SAMD13: variants seen among roughly 807,000 people sequenced by gnomAD.
The protein encoded by SAMD13 is sterile alpha motif domain-containing protein 13.
Under a neutral mutation model 12.4 loss-of-function variants are expected in SAMD13, and 9 were observed. That is an observed-to-expected ratio of 0.72 (90% CI 0.44 to 1.26). SAMD13 has a LOEUF of 1.26. Ranked by LOEUF, SAMD13 falls within the 50% of genes most tolerant of loss-of-function variation. The pLI is 0.00. For missense variants in SAMD13, 84 were observed against 119.6 expected, an observed-to-expected ratio of 0.70 and a Z score of 1.39; for synonymous variants, 46 against 45.4, an observed-to-expected ratio of 1.01 and a Z score of -0.05.
At chr1:84,332,801 C>T (rs763667408) in intron 3 of SAMD13, among the ~76,000 whole-genome samples, 7 of 152,102 alleles carry the variant, frequency 4.6e-5, no homozygotes, top group African/African-American at 1.4e-4. Flanking sequence ...GAAATCTTTG[C>T]CAGGGCGTAT....
In SAMD13 at chr1:84,350,085, CT is replaced by C. The variant is rs1042650678; in HGVS notation, c.*314del. 2.2e-5 allele frequency: 5 copies of C among 224,114 alleles called. No individual in the cohort carries two copies. The highest frequency in any genetic ancestry group is 1.1e-4 in the African/African-American group (5 of 43,732). 13.9% of individuals were successfully genotyped at this position (224,114 alleles called of 1,614,324 possible). The stretch of plus-strand genomic sequence containing the variant: ...AAGGATTTTCCTCATCTCTTTATAG[CT>C]TTCCCAAAATCTTTTAAAAAAGAAT... On this transcript the variant is annotated 3_prime_UTR_variant, in exon 4 of 4. Transcript: ENST00000394834.
chr1:84,320,509 G>A lies in SAMD13; in HGVS notation c.54-5128G>A, dbSNP rs552961645. ...TAGCCAGATCCCTGCTTGTTAGCAT[G>A]AAGGGAGAGGGAGAAAGGAACGGAA... On this transcript the variant is annotated intron_variant, in intron 2 of 3. Transcript: ENST00000394834. Among the ~76,000 whole-genome samples, 19 of 152,298 alleles carry A rather than the reference G, an allele frequency of 1.2e-4. No individual in the cohort carries two copies. In the South Asian group the frequency reaches 3.9e-3, roughly 32 times the overall value.
intron 3 of SAMD13, among the ~76,000 whole-genome samples, chr1:84,348,857 G>C (rs1231576269): frequency 6.6e-6 from 1 of 152,132 alleles, no homozygotes; most frequent in Non-Finnish European, 1.5e-5. Context: ...GAAGTTTGAG[G>C]ATCCATTGAG....
At chr1:84,336,450 A>G (rs891484809) in intron 3 of SAMD13, among the ~76,000 whole-genome samples, 9 of 152,180 alleles carry the variant, frequency 5.9e-5, no homozygotes, top group Non-Finnish European at 1.3e-4. Flanking sequence ...AGCAAGTCAC[A>G]TCTTATGTGG....
At chr1:84,330,974 T>C (rs907369447) in intron 3 of SAMD13, among the ~76,000 whole-genome samples, 1 of 152,148 alleles carries the variant, frequency 6.6e-6, no homozygotes, top group African/African-American at 2.4e-5. Context: ...ATAAGAATAG[T>C]ATCTTTACTC....
chr1:84,314,669 A>G (rs1357006881), intron 2 of SAMD13, among the ~76,000 whole-genome samples: 1 of 152,072 alleles, frequency 6.6e-6, no homozygotes, highest in African/African-American at 2.4e-5. Context: ...AAAAAACAGC[A>G]ATGTGGAAAG....
intron 2 of SAMD13, among the ~76,000 whole-genome samples, chr1:84,304,595 A>T (rs964229863): frequency 6.6e-6 from 1 of 152,178 alleles, no homozygotes; most frequent in Non-Finnish European, 1.5e-5. Flanking sequence ...TACTGCCACA[A>T]TTAAGATGAC....
Position 84,349,950 on chromosome 1 carries a change from A to T in SAMD13, c.*176A>T. The T allele has an allele frequency of 7.6e-7, 1 of 1,324,470 alleles. No individual in the cohort carries two copies. Among genetic ancestry groups the T allele is most frequent in the Non-Finnish European group, 9.7e-7 (1 of 1,033,110 alleles). The allele number at this position is 1,324,470 out of a possible 1,614,324, so 82.0% of individuals were successfully genotyped here. A position where few individuals can be genotyped will look rare whatever the true frequency, so the allele number is the denominator to read the frequency against. ...TTCATCAGCTCACCTGAAATCAGCCAGGAGGAGCAAGGACAAGATGCGCAC... is the reference window on the plus strand; with the variant it reads ...TTCATCAGCTCACCTGAAATCAGCCTGGAGGAGCAAGGACAAGATGCGCAC... On this transcript the variant is annotated 3_prime_UTR_variant, in exon 4 of 4. Coordinates refer to ENST00000394834, the MANE Select transcript of SAMD13 (RefSeq NM_001134663.2).
intron 3 of SAMD13, among the ~76,000 whole-genome samples, chr1:84,334,364 G>T (rs1478210778): frequency 6.6e-6 from 1 of 151,914 alleles, no homozygotes; most frequent in Non-Finnish European, 1.5e-5. Context: ...AGTCTCTGAG[G>T]GTTTTTTAAA....
intron 3 of SAMD13, among the ~76,000 whole-genome samples, chr1:84,347,530 G>A (rs950964560): frequency 7.2e-5 from 11 of 152,110 alleles, no homozygotes; most frequent in East Asian, 3.9e-4. Context: ...TGAGTTAGTC[G>A]AGGAAGTTTT....
chr1:84,306,231 A>T (rs1678569386), intron 2 of SAMD13, among the ~76,000 whole-genome samples: 1 of 151,998 alleles, frequency 6.6e-6, no homozygotes, highest in Non-Finnish European at 1.5e-5. Flanking sequence ...CATGTTTTGG[A>T]TGCTATTTTA....
rs189403133 is a variant in SAMD13, at chr1:84,305,839, T to G, written c.53+2552T>G. ...GCTTATTTCTGGGCTCTCTATTGTA[T>G]TCCATTGATCTTTTTGCATATATTT... is the stretch of plus-strand genomic sequence containing the variant. On this transcript the variant is annotated intron_variant, in intron 2 of 3. Coordinates refer to ENST00000394834, the MANE Select transcript of SAMD13 (RefSeq NM_001134663.2). Among the ~76,000 whole-genome samples, 231 of 152,326 alleles carry G rather than the reference T, an allele frequency of 1.5e-3. 2 individuals carry two copies. The highest frequency in any genetic ancestry group is 3.8e-4 in the Non-Finnish European group (26 of 68,030).
intron 3 of SAMD13, among the ~76,000 whole-genome samples, chr1:84,326,500 A>G (rs970836103): frequency 6.6e-6 from 1 of 152,170 alleles, no homozygotes; most frequent in Non-Finnish European, 1.5e-5. Context: ...TAGGTGATTC[A>G]TAGCTCCATG....
At chr1:84,343,882 T>G (rs913062452) in intron 3 of SAMD13, among the ~76,000 whole-genome samples, 26 of 152,120 alleles carry the variant, frequency 1.7e-4, no homozygotes, top group Admixed American at 3.3e-4. Context: ...TAAAAAAAAT[T>G]TTTAATCAGC....
intron 3 of SAMD13, among the ~76,000 whole-genome samples, chr1:84,340,732 T>C (rs1679405836): frequency 6.6e-6 from 1 of 152,146 alleles, no homozygotes; most frequent in African/African-American, 2.4e-5. Flanking sequence ...GGAGCATAGG[T>C]GAAGTTGTGT....
At chr1:84,335,202 C>G (rs1679266937) in intron 3 of SAMD13, among the ~76,000 whole-genome samples, 1 of 152,152 alleles carries the variant, frequency 6.6e-6, no homozygotes, top group East Asian at 1.9e-4. Context: ...TCTCTAAGAA[C>G]TCATCTTATG....
chr1:84,299,673 A>ATATATATATATATT (rs756472323), upstream of SAMD13: 9 of 900,568 alleles, frequency 1.0e-5, no homozygotes, highest in African/African-American at 1.6e-4. Flanking sequence ...ATATATATAT[A>ATATATATATATATT]TATTTATTTA....
chr1:84,307,118 C>T (rs180896291), intron 2 of SAMD13, among the ~76,000 whole-genome samples: 1 of 152,148 alleles, frequency 6.6e-6, no homozygotes, highest in African/African-American at 2.4e-5. Flanking sequence ...GTCAACCATT[C>T]GTTTTCAAAT....
chr1:84,319,066 G>A (rs892115192), intron 2 of SAMD13, among the ~76,000 whole-genome samples: 13 of 152,216 alleles, frequency 8.5e-5, no homozygotes, highest in Non-Finnish European at 1.3e-4. Context: ...AGCCCTCAAG[G>A]ACTGCTGTTT....
Sources: gnomAD v4.1 joint callset for allele counts (sites outside exome capture counted in the v4.1 genomes callset) on GRCh38, gnomAD v4.1.1 for gene constraint, MANE v1.5 for transcripts, NCBI Gene and HGNC (gene_info 2026-07-23, HGNC 2026-07-21) for gene names.